Variants in SECISBP2L observed in about 807,000 individuals in gnomAD.
SECISBP2L encodes the protein SECIS binding protein 2 like.
A neutral mutation model predicts 114.7 loss-of-function variants in SECISBP2L; 43 were observed. The observed-to-expected ratio is 0.38, with a 90% CI of 0.29 to 0.48. The LOEUF (loss-of-function observed/expected upper bound fraction) is 0.48. Ranked by LOEUF, SECISBP2L falls within the 20% of genes least tolerant of loss-of-function variation. SECISBP2L has a pLI of 0.98. For synonymous variants in SECISBP2L, 451 were observed against 439.7 expected (o/e 1.03, Z -0.32); for missense variants, 1,136 against 1,301.1 (o/e 0.87, Z 1.95).
chr15:48,988,716 C>T lies in SECISBP2L; in HGVS notation c.*3528G>A. On this transcript the variant is annotated 3_prime_UTR_variant, in exon 18 of 18. Transcript: ENST00000559471. ...ATAGTGCAAAAAAGCTGTTATTACC[C>T]CCCAAATGTGATATAACAATTATCC... The T allele has an allele frequency of 2.4e-6, 1 of 408,476 alleles. No individual in the cohort carries two copies. Among genetic ancestry groups the T allele is most frequent in the South Asian group, 1.8e-5 (1 of 56,290 alleles). 25.3% of individuals were successfully genotyped at this position (408,476 alleles called of 1,614,324 possible).
rs764569541 is a variant in SECISBP2L, at chr15:49,009,421, A to C, written c.1865-43T>G. ...GAAGGGAAAAAATTTAGAAACTTCA[A>C]ATGCTGAAAAGTTCTACGTTGATCA... On this transcript the variant is annotated intron_variant, in intron 13 of 17. Transcript: ENST00000559471. The C allele has an allele frequency of 2.5e-6, 4 of 1,582,090 alleles. No individual in the cohort carries two copies. The East Asian group carries it at 9.0e-5, about 36-fold the overall frequency.
intron 8 of SECISBP2L, among the ~76,000 whole-genome samples, chr15:49,018,986 T>G (rs556934066): frequency 6.6e-6 from 1 of 152,196 alleles, no homozygotes; most frequent in African/African-American, 2.4e-5. Context: ...ATATGAACTG[T>G]CTATCAGAGA....
At chr15:49,028,239 T>C (rs1245789589) in intron 5 of SECISBP2L, 71 bp from the exon 6 acceptor site, 1 of 1,351,556 alleles carries the variant, frequency 7.4e-7, no homozygotes, top group Non-Finnish European at 1.0e-6. Context: ...CTAAATGTTT[T>C]ATAATTTATC....
intron 1 of SECISBP2L, among the ~76,000 whole-genome samples, chr15:49,040,141 G>C (rs193088860): frequency 1.5e-4 from 23 of 152,160 alleles, no homozygotes; most frequent in Admixed American, 4.6e-4. Context: ...TATAAACTTA[G>C]GCAACCTACT....
In SECISBP2L at chr15:49,009,350, A is replaced by T; in HGVS notation, c.1893T>A (p.Thr631=). Residue 631 remains threonine (T), a synonymous_variant, in exon 14 of 18, where the codon ACT becomes ACA. Coordinates refer to ENST00000559471, the MANE Select transcript of SECISBP2L (RefSeq NM_001193489.2). ...EDTGLSMPSD[T]SLSPASQNSP... ...AGTTCTGACTTGCTGGAGAGAGTGA[A>T]GTATCACTGGGCATGCTTAGTCCAG... 6.2e-7 allele frequency: 1 copy of T among 1,614,066 alleles called. No homozygotes were observed. Among genetic ancestry groups the T allele is most frequent in the South Asian group, 1.1e-5 (1 of 91,064 alleles).
rs759339454 is a variant in SECISBP2L at position 49,017,059 on chromosome 15, A to T, written c.1252-44T>A. ...ACACATTTGTTAGTGATCCCATAAA[A>T]GTCAATCATAAGGAAAAAGGATCCA... On this transcript the variant is annotated intron_variant, in intron 9 of 17. Coordinates refer to ENST00000559471, the MANE Select transcript of SECISBP2L (RefSeq NM_001193489.2). 14 of 1,588,192 alleles carry T rather than the reference A, an allele frequency of 8.8e-6. No homozygotes were observed. In the East Asian group the frequency reaches 3.1e-4, roughly 36 times the overall value.
intron 14 of SECISBP2L, among the ~76,000 whole-genome samples, chr15:49,008,864 T>A (rs1902377071): frequency 6.6e-6 from 1 of 152,196 alleles, no homozygotes; most frequent in South Asian, 2.1e-4. Flanking sequence ...GTTAGAGTGA[T>A]CTTTTGAAGG....
chr15:49,027,130 T>G (rs1217479843), intron 7 of SECISBP2L, among the ~76,000 whole-genome samples: 2 of 152,208 alleles, frequency 1.3e-5, no homozygotes, highest in South Asian at 2.1e-4. Context: ...TTTTAACATA[T>G]AAAATATTTA....
At chr15:49,043,680 T>C (rs2141090504) in intron 1 of SECISBP2L, among the ~76,000 whole-genome samples, 1 of 151,754 alleles carries the variant, frequency 6.6e-6, no homozygotes, top group Non-Finnish European at 1.5e-5. Flanking sequence ...TATTTAACTC[T>C]GGCAGTTAAA....
intron 14 of SECISBP2L, among the ~76,000 whole-genome samples, chr15:49,004,610 C>T (rs928993842): frequency 1.3e-5 from 2 of 152,068 alleles, no homozygotes; most frequent in Non-Finnish European, 2.9e-5. Flanking sequence ...TAGCTGTGTC[C>T]CAGAGATTCT....
chr15:49,027,876 T>C (rs1902781430), intron 6 of SECISBP2L, among the ~76,000 whole-genome samples: 1 of 152,204 alleles, frequency 6.6e-6, no homozygotes. Context: ...CCCAAAGTTC[T>C]GGGATTAGAG....
At chr15:49,012,864 CAT>C in intron 11 of SECISBP2L, 47 bp from the exon 12 acceptor site, 1 of 1,553,290 alleles carries the variant, frequency 6.4e-7, no homozygotes. Context: ...GCCAATCCCA[CAT>C]ACTTTCAAAA....
chr15:49,037,835 TAAC>T, intron 1 of SECISBP2L, 66 bp from the exon 2 acceptor site: 1 of 1,396,422 alleles, frequency 7.2e-7, no homozygotes, highest in Non-Finnish European at 9.8e-7. Flanking sequence ...ATTCAAAATT[TAAC>T]AACAGAAGAG....
At chr15:49,011,539 T>C (rs745507976) in intron 13 of SECISBP2L, 192 bp downstream of exon 13, 16 of 604,320 alleles carry the variant, frequency 2.6e-5, no homozygotes, top group Non-Finnish European at 3.9e-5. Context: ...TACTATATAA[T>C]ACCTGTCCCC....
At chr15:49,037,848 G>C in intron 1 of SECISBP2L, 79 bp from the exon 2 acceptor site, 2 of 1,243,266 alleles carry the variant, frequency 1.6e-6, no homozygotes, top group Non-Finnish European at 2.2e-6. Context: ...CAACAGAAGA[G>C]TCAGTCCTTA....
intron 14 of SECISBP2L, among the ~76,000 whole-genome samples, chr15:49,004,121 G>A (rs1465991015): frequency 2.0e-5 from 3 of 152,152 alleles, no homozygotes; most frequent in Non-Finnish European, 4.4e-5. Context: ...TTCAGAACTT[G>A]TTATTGCTCT....
intron 14 of SECISBP2L, among the ~76,000 whole-genome samples, chr15:49,005,603 T>C: frequency 6.9e-6 from 1 of 145,438 alleles, no homozygotes; most frequent in Non-Finnish European, 1.5e-5. Context: ...TCCATTTGCT[T>C]GGTAAATATT....
At chr15:49,031,043 T>C (rs1025462244) in intron 4 of SECISBP2L, among the ~76,000 whole-genome samples, 1 of 122,092 alleles carries the variant, frequency 8.2e-6, no homozygotes, top group South Asian at 3.1e-4. Flanking sequence ...TTTTCTTTTT[T>C]TTTTTTTTTT....
chr15:49,039,568 G>C (rs898702411), intron 1 of SECISBP2L, among the ~76,000 whole-genome samples: 7 of 149,912 alleles, frequency 4.7e-5, no homozygotes, highest in African/African-American at 1.7e-4. Context: ...TCTGTCACGG[G>C]GTGGAGGTGG....
Sources: gnomAD v4.1 joint callset for allele counts (sites outside exome capture counted in the v4.1 genomes callset) on GRCh38, gnomAD v4.1.1 for gene constraint, MANE v1.5 for transcripts, NCBI Gene and HGNC (gene_info 2026-07-23, HGNC 2026-07-21) for gene names.